MYH7B: variants seen among roughly 807,000 people sequenced by gnomAD.
The protein encoded by MYH7B is myosin heavy chain 7B, also known as myosin-7B.
In MYH7B, 205 loss-of-function variants were observed where a neutral mutation model predicts 234.5. The ratio of observed to expected loss-of-function variants is 0.87; its 90% CI spans 0.78 to 0.98. The LOEUF (loss-of-function observed/expected upper bound fraction) is 0.98. Ranked by LOEUF, MYH7B falls within the 50% of genes least tolerant of loss-of-function variation. The pLI is 0.00. For synonymous variants in MYH7B, 1,193 were observed against 1,105.0 expected, an observed-to-expected ratio of 1.08 and a Z score of -1.58; for missense variants, 2,652 against 2,633.4, an observed-to-expected ratio of 1.01 and a Z score of -0.15.
At chr20:34,962,474 A>C (rs2081706788) in intron 2 of MYH7B, among the ~76,000 whole-genome samples, 1 of 152,182 alleles carries the variant, frequency 6.6e-6, no homozygotes, top group African/African-American at 2.4e-5. Context: ...CCTCCCATGG[A>C]TACCAACATC....
chr20:34,965,650 A>G (rs1361980071), intron 2 of MYH7B, among the ~76,000 whole-genome samples: 1 of 152,240 alleles, frequency 6.6e-6, no homozygotes, highest in African/African-American at 2.4e-5. Flanking sequence ...GACATGTGAT[A>G]CAGAGGGTGA....
At chr20:34,990,525 G>A in intron 22 of MYH7B, 1 of 833,670 alleles carries the variant, frequency 1.2e-6, no homozygotes, top group Non-Finnish European at 2.1e-6. Context: ...GAGCCCTGGG[G>A]CTCTGGGAGG....
rs71196773 is a variant in MYH7B, at chr20:34,992,561, G to GTT, written c.2184-525_2184-524dup. Among the ~76,000 whole-genome samples the GTT allele has an allele frequency of 2.1e-3, 254 of 118,294 alleles. 5 individuals carry two copies. The highest frequency in any genetic ancestry group is 5.4e-3 in the East Asian group (21 of 3,858). The allele number at this position is 118,294 out of a possible 152,430, so 77.6% of individuals were successfully genotyped here. A position where few individuals can be genotyped will look rare whatever the true frequency, so the allele number is the denominator to read the frequency against. On this transcript the variant is annotated intron_variant, in intron 24 of 44. Transcript: ENST00000262873. ...GCATTTAAAATCCCCCCAAGGTTGT[G>GTT]TTTTTTTTTTTTTTTTTGAGACGGA...
chr20:35,001,716 C>A (rs1386340589), intron 43 of MYH7B, 190 bp downstream of exon 43: 1 of 834,480 alleles, frequency 1.2e-6, no homozygotes, highest in Non-Finnish European at 1.8e-6. Context: ...ATGTGCTTTC[C>A]CCTGGCCAAG....
intron 19 of MYH7B, 64 bp from the exon 20 acceptor site, chr20:34,989,676 G>A (rs2082102296): frequency 6.7e-7 from 1 of 1,496,888 alleles, no homozygotes; most frequent in Admixed American, 2.2e-5. Flanking sequence ...TGGGGAACCA[G>A]GGGTTCAGTC....
intron 23 of MYH7B, 86 bp downstream of exon 23, chr20:34,990,911 C>G: frequency 6.4e-7 from 1 of 1,565,860 alleles, no homozygotes; most frequent in Non-Finnish European, 8.8e-7. Context: ...AGTACATCTT[C>G]CCCCTCACCT....
chr20:34,986,078 GGCCAGCGTCCCTTC>G lies in MYH7B; in HGVS notation c.806-21_806-8del. On this transcript the variant is annotated splice_polypyrimidine_tract_variant and splice_region_variant and intron_variant, in intron 13 of 44. Transcript: ENST00000262873. ...CTCTGGGGAGGTGTGGGAGATGGCAGGCCAGCGTCCCTTCTCCCCAGATCTCCTGGAGAAGTCGC... is the reference window on the plus strand; with the variant it reads ...CTCTGGGGAGGTGTGGGAGATGGCAGTCCCCAGATCTCCTGGAGAAGTCGC... The G allele has an allele frequency of 1.3e-6, 2 of 1,554,958 alleles. No homozygotes were observed. Among genetic ancestry groups the G allele is most frequent in the Non-Finnish European group, 1.7e-6 (2 of 1,145,572 alleles).
intron 2 of MYH7B, among the ~76,000 whole-genome samples, chr20:34,963,885 T>A (rs546303160): frequency 1.3e-5 from 2 of 152,338 alleles, no homozygotes; most frequent in Non-Finnish European, 2.9e-5. Context: ...CTTGCTTTTC[T>A]CTTTCAGTGT....
At chr20:34,993,360 C>G (rs770970396) in exon 26 of MYH7B, 3 of 1,613,990 alleles carry the variant, frequency 1.9e-6, no homozygotes, top group Non-Finnish European at 2.5e-6. Flanking sequence ...GGCTTCTAGG[C>G]GTCCTGGAAG....
At chr20:34,999,239 G>T in exon 36 of MYH7B, 3 of 1,609,528 alleles carry the variant, frequency 1.9e-6, no homozygotes, top group Admixed American at 1.7e-5. Flanking sequence ...ACTTGGAACG[G>T]GCACTGGAGG....
At chr20:34,963,104 A>G (rs1322370646) in intron 2 of MYH7B, among the ~76,000 whole-genome samples, 1 of 152,274 alleles carries the variant, frequency 6.6e-6, no homozygotes. Flanking sequence ...TCTCAAAAAA[A>G]GAAGTCATAA....
At chr20:34,967,709 G>A (rs1183063413) in intron 2 of MYH7B, among the ~76,000 whole-genome samples, 1 of 152,174 alleles carries the variant, frequency 6.6e-6, no homozygotes, top group Non-Finnish European at 1.5e-5. Flanking sequence ...AGCAGCCTAA[G>A]ACTCCTGAAC....
rs1223157931 is a variant in MYH7B, at chr20:34,997,100, G to C, written c.3284G>C (p.Ser1095Thr). 12 of 1,548,598 alleles carry C rather than the reference G, an allele frequency of 7.7e-6. No homozygotes were observed. The highest frequency in any genetic ancestry group is 4.4e-4 in the Middle Eastern group (2 of 4,512). ...GCTCCCAGGAAGGACTCCGAGCTGA[G>C]CCAGCTGAGCCTGCGGGTGGAAGAC... is the stretch of plus-strand genomic sequence containing the variant. Residue 1095 changes from serine to threonine, a missense_variant, in exon 31 of 45, where the codon AGC (serine) becomes ACC (threonine). Physicochemically the swap from Ser to Thr is moderately conservative, Grantham distance 58. Coordinates refer to ENST00000262873, the Ensembl canonical transcript of MYH7B.
exon 30 of MYH7B, chr20:34,996,743 A>G (rs1569058348): frequency 6.2e-7 from 1 of 1,612,086 alleles, no homozygotes; most frequent in East Asian, 2.2e-5. Flanking sequence ...CAGCAGCTGG[A>G]GGAGAAGCTC....
chr20:34,996,606 T>C lies in MYH7B; in HGVS notation c.3121-7T>C. ...CATGGCTGACCCCTGCTGTGCCTGC[T>C]CTGCAGCTGGAATGCTCCCTGGAGC... is the stretch of plus-strand genomic sequence containing the variant. On this transcript the variant is annotated splice_polypyrimidine_tract_variant and splice_region_variant and intron_variant, in intron 29 of 44. Transcript: ENST00000262873. 1 of 1,609,058 alleles carries C rather than the reference T, an allele frequency of 6.2e-7. No homozygotes were observed. Among genetic ancestry groups the C allele is most frequent in the Non-Finnish European group, 8.5e-7 (1 of 1,177,980 alleles).
chr20:34,965,490 A>G (rs2081733905), intron 2 of MYH7B, among the ~76,000 whole-genome samples: 1 of 152,242 alleles, frequency 6.6e-6, no homozygotes, highest in African/African-American at 2.4e-5. Flanking sequence ...CCCATCAGCA[A>G]GCACATGGGT....
At chr20:34,974,137 G>C (rs890501113) in intron 2 of MYH7B, among the ~76,000 whole-genome samples, 11 of 152,042 alleles carry the variant, frequency 7.2e-5, no homozygotes, top group Non-Finnish European at 1.3e-4. Flanking sequence ...ATGTTGACCA[G>C]GCTGGTCTCA....
chr20:34,995,641 G>A, intron 28 of MYH7B, 63 bp downstream of exon 28: 1 of 1,595,876 alleles, frequency 6.3e-7, no homozygotes, highest in Non-Finnish European at 8.5e-7. Context: ...GGGCCAGGTG[G>A]CTGCAGGTCC....
exon 9 of MYH7B, chr20:34,981,060 C>T: frequency 6.2e-7 from 1 of 1,613,924 alleles, no homozygotes; most frequent in Non-Finnish European, 8.5e-7. Flanking sequence ...ATGCTGATCA[C>T]GTGAGTGTGG....
Sources: allele counts gnomAD v4.1 joint callset (sites outside exome capture counted in the v4.1 genomes callset), GRCh38; gene constraint gnomAD v4.1.1; transcripts MANE v1.5; gene names NCBI Gene and HGNC (gene_info 2026-07-23, HGNC 2026-07-21).